Variants in CPXM2 observed in about 807,000 individuals in gnomAD.
The protein encoded by CPXM2 is carboxypeptidase X, M14 family member 2.
Under a neutral mutation model 86.1 loss-of-function variants are expected in CPXM2, and 66 were observed. The ratio of observed to expected loss-of-function variants is 0.77; its 90% CI spans 0.63 to 0.94. CPXM2 has a LOEUF of 0.94. Ranked by LOEUF, CPXM2 falls within the 40% of genes least tolerant of loss-of-function variation. The pLI is 0.00. For synonymous variants in CPXM2, 388 were observed against 400.2 expected (o/e 0.97, Z 0.36); for missense variants, 948 against 1,026.3 (o/e 0.92, Z 1.04).
At chr10:123,941,125 C>G (rs914719018), upstream of CPXM2, among the ~76,000 whole-genome samples, 1 of 152,100 alleles carries the variant, frequency 6.6e-6, no homozygotes, top group African/African-American at 2.4e-5. Flanking sequence ...GAGCCGAGAT[C>G]GCGCCACTGC....
intron 2 of CPXM2, among the ~76,000 whole-genome samples, chr10:123,906,751 A>T (rs1014939671): frequency 6.6e-6 from 1 of 152,190 alleles, no homozygotes; most frequent in Admixed American, 6.5e-5. Context: ...AACTTCTCAC[A>T]TGGCCTCAGG....
chr10:123,821,529 G>A (rs560116752), intron 4 of CPXM2, among the ~76,000 whole-genome samples: 2 of 152,304 alleles, frequency 1.3e-5, no homozygotes, highest in South Asian at 2.1e-4. Flanking sequence ...TGCCAACCAC[G>A]TAAGTGTGTT....
chr10:123,869,755 T>C (rs1228685723), intron 2 of CPXM2, among the ~76,000 whole-genome samples: 3 of 152,194 alleles, frequency 2.0e-5, no homozygotes, highest in Non-Finnish European at 4.4e-5. Context: ...GCATTTGCCC[T>C]CTGGCACAGA....
At chr10:123,782,081 C>T (rs1052744419) in intron 6 of CPXM2, among the ~76,000 whole-genome samples, 6 of 152,210 alleles carry the variant, frequency 3.9e-5, no homozygotes, top group African/African-American at 1.2e-4. Flanking sequence ...GTGCAACTGG[C>T]ATTTTGTCCA....
intron 4 of CPXM2, among the ~76,000 whole-genome samples, chr10:123,812,908 C>T (rs1200510554): frequency 6.6e-6 from 1 of 152,170 alleles, no homozygotes; most frequent in East Asian, 1.9e-4. Context: ...GACTGCTGTT[C>T]TAGCCCTTTA....
intron 4 of CPXM2, among the ~76,000 whole-genome samples, chr10:123,838,453 A>G (rs1315879650): frequency 6.6e-6 from 1 of 152,162 alleles, no homozygotes. Context: ...GACTCCATCT[A>G]AAAAGTAAAA....
At chr10:123,881,229 T>TCCCCCCCCCCCCCCCCCCC (rs1564811040) in intron 1 of CPXM2, among the ~76,000 whole-genome samples, 6 of 89,672 alleles carry the variant, frequency 6.7e-5, no homozygotes, top group Non-Finnish European at 1.4e-4. Context: ...TGGAGCACCC[T>TCCCCCCCCCCCCCCCCCCC]TCTCTTCCCT....
upstream of CPXM2, among the ~76,000 whole-genome samples, chr10:123,893,128 C>G (rs935348615): frequency 6.6e-6 from 1 of 152,168 alleles, no homozygotes; most frequent in African/African-American, 2.4e-5. Context: ...TGCCAGGTTC[C>G]GTAACTATCT....
chr10:123,922,621 G>A (rs1945587199), intron 2 of CPXM2, among the ~76,000 whole-genome samples: 2 of 152,196 alleles, frequency 1.3e-5, no homozygotes, highest in African/African-American at 4.8e-5. Flanking sequence ...ACTGTATTTT[G>A]TCTCACTGAG....
intron 13 of CPXM2, among the ~76,000 whole-genome samples, chr10:123,749,673 C>T (rs1204229666): frequency 1.3e-5 from 2 of 152,268 alleles, no homozygotes; most frequent in Non-Finnish European, 2.9e-5. Context: ...AGGACACACA[C>T]ATCTCACATC....
At chr10:123,877,923 A>G (rs773182225) in intron 2 of CPXM2, among the ~76,000 whole-genome samples, 1 of 152,174 alleles carries the variant, frequency 6.6e-6, no homozygotes, top group Non-Finnish European at 1.5e-5. Flanking sequence ...CTCATAACTC[A>G]ATGTAGTTAA....
At chr10:123,876,993 G>A (rs1944999129) in intron 2 of CPXM2, among the ~76,000 whole-genome samples, 1 of 152,212 alleles carries the variant, frequency 6.6e-6, no homozygotes, top group Non-Finnish European at 1.5e-5. Flanking sequence ...TCCCAAAGCT[G>A]TCCTCTCAAT....
chr10:123,830,403 C>G (rs1009944144), intron 4 of CPXM2, among the ~76,000 whole-genome samples: 1 of 152,184 alleles, frequency 6.6e-6, no homozygotes, highest in Non-Finnish European at 1.5e-5. Flanking sequence ...TCATCAGCTA[C>G]AGCAAACACC....
intron 6 of CPXM2, among the ~76,000 whole-genome samples, chr10:123,780,470 C>A (rs1431364506): frequency 6.6e-6 from 1 of 152,186 alleles, no homozygotes; most frequent in Non-Finnish European, 1.5e-5. Flanking sequence ...GGGTTCAAAT[C>A]TCCGCTCTTC....
chr10:123,906,748 C>T (rs1945445733), intron 2 of CPXM2, among the ~76,000 whole-genome samples: 1 of 152,196 alleles, frequency 6.6e-6, no homozygotes, highest in African/African-American at 2.4e-5. Context: ...AGAAACTTCT[C>T]ACATGGCCTC....
intron 6 of CPXM2, among the ~76,000 whole-genome samples, chr10:123,782,377 A>G (rs946620665): frequency 6.6e-6 from 1 of 152,214 alleles, no homozygotes; most frequent in Non-Finnish European, 1.5e-5. Context: ...TTATGCCTTC[A>G]AGGTTCTCAA....
intron 6 of CPXM2, among the ~76,000 whole-genome samples, chr10:123,792,467 T>A (rs1309843384): frequency 6.6e-6 from 1 of 151,792 alleles, no homozygotes; most frequent in Non-Finnish European, 1.5e-5. Flanking sequence ...TGGAAGAAGG[T>A]CTCTATCAGA....
At chr10:123,805,613 C>A (rs1847561175) in intron 4 of CPXM2, among the ~76,000 whole-genome samples, 1 of 152,072 alleles carries the variant, frequency 6.6e-6, no homozygotes, top group Non-Finnish European at 1.5e-5. Context: ...ATTTGTGGCT[C>A]AGTATATGGT....
In CPXM2 at chr10:123,932,954, A is replaced by T. The variant is rs186166645; in HGVS notation, n.174+6523T>A. Reference sequence around the variant, plus strand: ...CCATAACAACTGGGTCTCCTGGAGCACAACTTCAAAAGGTAATGTGCCTGC... The same window carrying T: ...CCATAACAACTGGGTCTCCTGGAGCTCAACTTCAAAAGGTAATGTGCCTGC... On this transcript the variant is annotated intron_variant and non_coding_transcript_variant, in intron 2 of 19. Transcript: ENST00000368854. Among the ~76,000 whole-genome samples, 727 of 152,368 alleles carry T rather than the reference A, an allele frequency of 4.8e-3. 2 individuals are homozygous for T. The highest frequency in any genetic ancestry group is 8.2e-3 in the Non-Finnish European group (559 of 68,042).
Sources: allele counts gnomAD v4.1 joint callset (sites outside exome capture counted in the v4.1 genomes callset), GRCh38; gene constraint gnomAD v4.1.1; transcripts MANE v1.5; gene names NCBI Gene and HGNC (gene_info 2026-07-23, HGNC 2026-07-21).